Variants in GRM7 observed in about 807,000 individuals in gnomAD.
The protein encoded by GRM7 is glutamate metabotropic receptor 7.
Under a neutral mutation model 84.5 loss-of-function variants are expected in GRM7, and 35 were observed. The ratio of observed to expected loss-of-function variants is 0.41; its 90% CI spans 0.32 to 0.55. GRM7 has a LOEUF of 0.55. GRM7 is among the 20% of genes least tolerant of loss of function. The pLI, the probability that GRM7 is intolerant of heterozygous loss-of-function variation, is 0.19. For missense variants in GRM7, 1,003 were observed against 1,194.6 expected (o/e 0.84, Z 2.36); for synonymous variants, 487 against 455.1 (o/e 1.07, Z -0.89).
rs143888807 is a variant in GRM7 at position 6,865,993 on chromosome 3, G to A, written c.519+4086G>A. Among the ~76,000 whole-genome samples the A allele has an allele frequency of 3.3e-5, 5 of 152,210 alleles. No individual in the cohort carries two copies. In the East Asian group the frequency reaches 7.7e-4, roughly 24 times the overall value. ...TGGTGAGTGGGAAATTTTTAAAGGGGCATTTTTAAAAAGAGCAGAGGGAAG... is the reference window on the plus strand; with the variant it reads ...TGGTGAGTGGGAAATTTTTAAAGGGACATTTTTAAAAAGAGCAGAGGGAAG... On this transcript the variant is annotated intron_variant, in intron 1 of 9. Coordinates refer to ENST00000357716, the MANE Select transcript of GRM7 (RefSeq NM_000844.4).
intron 1 of GRM7, among the ~76,000 whole-genome samples, chr3:6,912,645 A>G (rs1311350324): frequency 6.6e-6 from 1 of 152,176 alleles, no homozygotes; most frequent in Non-Finnish European, 1.5e-5. Context: ...TTTTACAGTT[A>G]GAAAATTTTA....
chr3:7,496,571 A>G (rs1699709457), intron 7 of GRM7, among the ~76,000 whole-genome samples: 1 of 152,180 alleles, frequency 6.6e-6, no homozygotes, highest in Non-Finnish European at 1.5e-5. Flanking sequence ...AAAAATTGCT[A>G]AGAAGTACAT....
chr3:6,906,467 T>A (rs1696582404), intron 1 of GRM7, among the ~76,000 whole-genome samples: 1 of 152,196 alleles, frequency 6.6e-6, no homozygotes, highest in Admixed American at 6.6e-5. Flanking sequence ...TTCTATCTTA[T>A]AAGAACAATT....
chr3:7,019,883 A>G (rs1695715007), intron 1 of GRM7, among the ~76,000 whole-genome samples: 1 of 152,230 alleles, frequency 6.6e-6, no homozygotes. Flanking sequence ...TTTTTAGAGC[A>G]CCTACTATAT....
At chr3:6,988,832 A>G (rs987045782) in intron 1 of GRM7, among the ~76,000 whole-genome samples, 2 of 152,150 alleles carry the variant, frequency 1.3e-5, no homozygotes, top group African/African-American at 2.4e-5. Context: ...CTATGTCTTC[A>G]CTCCATATAC....
At chr3:7,124,882 A>C (rs1370144288) in intron 1 of GRM7, among the ~76,000 whole-genome samples, 1 of 152,196 alleles carries the variant, frequency 6.6e-6, no homozygotes, top group African/African-American at 2.4e-5. Context: ...CCAGTCCCAC[A>C]TACTCATCTA....
At chr3:7,693,055 T>G (rs162779) in intron 9 of GRM7, among the ~76,000 whole-genome samples, 11,743 of 151,862 alleles carry the variant, frequency 0.077, 505 homozygotes, top group South Asian at 0.13. Flanking sequence ...TTTGATGGTC[T>G]AAAAATTTAA....
intron 9 of GRM7, among the ~76,000 whole-genome samples, chr3:7,698,180 A>G (rs1231243922): frequency 6.6e-6 from 1 of 152,156 alleles, no homozygotes; most frequent in Non-Finnish European, 1.5e-5. Flanking sequence ...GAAGGGGGCC[A>G]TTTGCAAGGG....
intron 7 of GRM7, among the ~76,000 whole-genome samples, chr3:7,499,649 G>A (rs1187921092): frequency 1.3e-5 from 2 of 152,112 alleles, no homozygotes; most frequent in East Asian, 1.9e-4. Flanking sequence ...ATTACACAGA[G>A]TATAAAGGCA....
chr3:7,473,494 GAGAGAGAGAGAGA>G (rs1483940118), intron 7 of GRM7, among the ~76,000 whole-genome samples: 104 of 64,200 alleles, frequency 1.6e-3, no homozygotes, highest in African/African-American at 6.1e-3. Context: ...GAGAGGGAGA[GAGAGAGAGAGAGA>G]GAGAGAGAGA....
At chr3:7,267,724 G>A (rs1176036227) in intron 2 of GRM7, among the ~76,000 whole-genome samples, 2 of 152,126 alleles carry the variant, frequency 1.3e-5, no homozygotes, top group Non-Finnish European at 2.9e-5. Flanking sequence ...GACGGAAAAC[G>A]GGCAATAGGG....
At chr3:6,945,870 A>G (rs1419595640) in intron 1 of GRM7, among the ~76,000 whole-genome samples, 1 of 152,164 alleles carries the variant, frequency 6.6e-6, no homozygotes, top group Non-Finnish European at 1.5e-5. Flanking sequence ...TCTTTTGAGA[A>G]GTGTCTGTTC....
intron 8 of GRM7, among the ~76,000 whole-genome samples, chr3:7,601,724 T>C (rs1016144784): frequency 3.9e-5 from 6 of 152,108 alleles, no homozygotes; most frequent in East Asian, 1.9e-4. Context: ...CAAGAATTCA[T>C]GCTCAAAATA....
At chr3:7,369,597 G>A (rs7610081) in intron 4 of GRM7, among the ~76,000 whole-genome samples, 60,528 of 151,910 alleles carry the variant, frequency 0.4, 12,316 homozygotes, top group East Asian at 0.57. Flanking sequence ...ATGGTAGAGA[G>A]CAATAAGCAA....
chr3:7,403,039 G>A, intron 4 of GRM7: 1 of 246,894 alleles, frequency 4.1e-6, no homozygotes, highest in Middle Eastern at 4.6e-4. Flanking sequence ...GACATTTTTA[G>A]ACCAGAGTAC....
chr3:7,207,345 C>T (rs772775515), intron 2 of GRM7, among the ~76,000 whole-genome samples: 7 of 152,094 alleles, frequency 4.6e-5, no homozygotes, highest in South Asian at 2.1e-4. Context: ...CAAAGTGGCC[C>T]GGATGCCTCT....
chr3:7,155,425 C>G (rs1694417485), intron 2 of GRM7, among the ~76,000 whole-genome samples: 1 of 151,478 alleles, frequency 6.6e-6, no homozygotes, highest in South Asian at 2.1e-4. Flanking sequence ...TAGGCTTTAA[C>G]TGTGCCCACA....
At chr3:7,341,312 T>TTG (rs150896225) in intron 4 of GRM7, among the ~76,000 whole-genome samples, 4 of 151,986 alleles carry the variant, frequency 2.6e-5, no homozygotes, top group Non-Finnish European at 5.9e-5. Context: ...TTAAAGGAGA[T>TTG]TGTGTGTGTG....
intron 2 of GRM7, among the ~76,000 whole-genome samples, chr3:7,194,678 T>C (rs572314174): frequency 6.6e-6 from 1 of 152,298 alleles, no homozygotes; most frequent in Non-Finnish European, 1.5e-5. Flanking sequence ...TGGCTCTACC[T>C]GCTTTCAGCC....
Sources: allele counts gnomAD v4.1 joint callset (sites outside exome capture counted in the v4.1 genomes callset), GRCh38; gene constraint gnomAD v4.1.1; transcripts MANE v1.5; gene names NCBI Gene and HGNC (gene_info 2026-07-23, HGNC 2026-07-21).